Variants in GOLM1 observed in about 807,000 individuals in gnomAD.
GOLM1 encodes golgi membrane protein 1.
GOLM1 carries 31 observed loss-of-function variants against 50.5 expected under a neutral mutation model. The ratio of observed to expected loss-of-function variants is 0.61; its 90% CI spans 0.46 to 0.83. GOLM1 has a LOEUF of 0.83. Among genes scored for constraint, GOLM1 ranks in the 40% least tolerant of loss-of-function variants. The probability of loss-of-function intolerance (pLI) is 0.00; values close to 1 mark genes in which losing one functional copy is unlikely to be tolerated. For synonymous variants in GOLM1, 178 were observed against 192.8 expected (o/e 0.92, Z 0.64); for missense variants, 491 against 501.3 (o/e 0.98, Z 0.20).
At chr9:86,097,945 G>C (rs952959357) in intron 1 of GOLM1, among the ~76,000 whole-genome samples, 1 of 151,954 alleles carries the variant, frequency 6.6e-6, no homozygotes, top group Non-Finnish European at 1.5e-5. Context: ...TCAATAACTG[G>C]ACCTAAACCA....
chr9:86,032,082 G>A (rs1022065514), intron 9 of GOLM1, among the ~76,000 whole-genome samples: 2 of 152,128 alleles, frequency 1.3e-5, no homozygotes, highest in South Asian at 4.2e-4. Context: ...AGAAAACAGA[G>A]ACCAGGCGAA....
At chr9:86,087,019 T>C (rs1346703756) in intron 1 of GOLM1, among the ~76,000 whole-genome samples, 3 of 152,210 alleles carry the variant, frequency 2.0e-5, no homozygotes, top group Admixed American at 6.5e-5. Flanking sequence ...GGCGATAGCA[T>C]TGAATCTATA....
intron 6 of GOLM1, among the ~76,000 whole-genome samples, chr9:86,038,737 A>G (rs1833233758): frequency 6.6e-6 from 1 of 152,232 alleles, no homozygotes; most frequent in African/African-American, 2.4e-5. Context: ...TGATAACCGC[A>G]CACACACAAG....
intron 1 of GOLM1, among the ~76,000 whole-genome samples, chr9:86,081,300 G>C (rs1169550517): frequency 6.6e-6 from 1 of 150,904 alleles, no homozygotes; most frequent in African/African-American, 2.4e-5. Flanking sequence ...GGGTTAAAGC[G>C]ATTCTCCTGC....
At chr9:86,062,078 C>T (rs1053612358) in intron 3 of GOLM1, among the ~76,000 whole-genome samples, 3 of 152,192 alleles carry the variant, frequency 2.0e-5, no homozygotes, top group South Asian at 4.1e-4. Flanking sequence ...GACACAGTTG[C>T]TACACGCCCA....
At chr9:86,077,341 G>A (rs1207142089) in intron 3 of GOLM1, 71 bp downstream of exon 3, 11 of 1,268,942 alleles carry the variant, frequency 8.7e-6, no homozygotes, top group Admixed American at 7.0e-5. Flanking sequence ...TCATCCTCCC[G>A]CCAAGAAGAA....
intron 1 of GOLM1, among the ~76,000 whole-genome samples, chr9:86,092,368 T>A (rs899926362): frequency 1.3e-5 from 2 of 152,230 alleles, no homozygotes; most frequent in Admixed American, 6.5e-5. Context: ...TCCTCCTCTT[T>A]CCTTCTCCTG....
At chr9:86,079,443 A>T (rs942889137) in intron 1 of GOLM1, 102 bp from the exon 2 acceptor site, 26 of 935,114 alleles carry the variant, frequency 2.8e-5, no homozygotes, top group Non-Finnish European at 3.6e-5. Context: ...TCTTGCCAAG[A>T]AGCGTGGGCT....
chr9:86,054,503 C>A (rs759169865), intron 3 of GOLM1, among the ~76,000 whole-genome samples: 1 of 152,148 alleles, frequency 6.6e-6, no homozygotes, highest in South Asian at 2.1e-4. Context: ...GGATTACAGG[C>A]GTGAGCCACT....
intron 1 of GOLM1, among the ~76,000 whole-genome samples, chr9:86,082,406 TCTCACTCTGTTGCTCAGGCTGACACA>T (rs1271301377): frequency 1.4e-5 from 2 of 147,380 alleles, no homozygotes; most frequent in Non-Finnish European, 3.0e-5. Flanking sequence ...TGAGACAGGG[TCTCACTCTGTTGCTCAGGCTGACACA>T]CTCACTCTGT....
intron 3 of GOLM1, among the ~76,000 whole-genome samples, chr9:86,064,449 C>T (rs541095401): frequency 8.5e-4 from 129 of 152,298 alleles, no homozygotes; most frequent in African/African-American, 3.0e-3. Flanking sequence ...GCTCACTTTG[C>T]AGAGCTCATC....
intron 1 of GOLM1, among the ~76,000 whole-genome samples, chr9:86,096,772 G>A (rs1247367255): frequency 1.3e-5 from 2 of 152,108 alleles, no homozygotes; most frequent in African/African-American, 4.8e-5. Flanking sequence ...ATTGGGCCTT[G>A]AGACACAATA....
chr9:86,043,662 C>T (rs2118686377), intron 5 of GOLM1, among the ~76,000 whole-genome samples: 1 of 152,274 alleles, frequency 6.6e-6, no homozygotes, highest in South Asian at 2.1e-4. Flanking sequence ...GCCTTGGGCA[C>T]AAGTAGTGAA....
chr9:86,077,649 C>A, intron 2 of GOLM1, 58 bp from the exon 3 acceptor site: 1 of 1,272,966 alleles, frequency 7.9e-7, no homozygotes, highest in South Asian at 1.2e-5. Context: ...GCCTGGACCA[C>A]CTGAGCGCCC....
At chr9:86,055,044 T>C (rs1226328398) in intron 3 of GOLM1, among the ~76,000 whole-genome samples, 1 of 152,196 alleles carries the variant, frequency 6.6e-6, no homozygotes, top group African/African-American at 2.4e-5. Context: ...AACCATCCTG[T>C]TTTCTCAGGC....
At chr9:86,063,108 G>C (rs532159943) in intron 3 of GOLM1, among the ~76,000 whole-genome samples, 51 of 152,354 alleles carry the variant, frequency 3.3e-4, no homozygotes, top group African/African-American at 1.1e-3. Flanking sequence ...CGAACCAGAG[G>C]AGCACCCCAC....
chr9:86,090,938 A>G (rs534653779), intron 1 of GOLM1, among the ~76,000 whole-genome samples: 122 of 152,264 alleles, frequency 8.0e-4, no homozygotes, highest in African/African-American at 2.8e-3. Flanking sequence ...AGCATGGGAA[A>G]AGCGTAGTAT....
rs7470039 is a variant in GOLM1, at chr9:86,049,945, T to A, written c.364+2592A>T. ...AGACAGGGCATCCCTGTCTTGTGCC[T>A]GTTTTCAAAGGGAATGCTTCCAGTT... On this transcript the variant is annotated intron_variant, in intron 4 of 9. Transcript: ENST00000388712. 3.3e-5 allele frequency among the ~76,000 whole-genome samples: 5 copies of A among 152,120 alleles called. No homozygotes were observed. The South Asian group carries it at 1.0e-3, about 32-fold the overall frequency.
Position 86,079,237 on chromosome 9 carries a change from C to CAAGTTG in GOLM1, c.83_84insCAACTT (p.Val27_Leu28insPheAsn), listed in dbSNP as rs1304755929. 6.2e-7 allele frequency: 1 copy of CAAGTTG among 1,609,724 alleles called. No homozygotes were observed. The stretch of plus-strand genomic sequence containing the variant: ...AGCTCGCAATCCAGTAGTTGAAGCC[C>CAAGTTG]AAGACGATGATGCAGGCCACCAGGG... On this transcript the variant is annotated inframe_insertion, in exon 2 of 10. Coordinates refer to ENST00000388712, the MANE Select transcript of GOLM1 (RefSeq NM_016548.4).
Sources: gnomAD v4.1 joint callset for allele counts (sites outside exome capture counted in the v4.1 genomes callset) on GRCh38, gnomAD v4.1.1 for gene constraint, MANE v1.5 for transcripts, NCBI Gene and HGNC (gene_info 2026-07-23, HGNC 2026-07-21) for gene names.